The following SPTBN4 variants were observed in gnomAD, a reference collection of about 807,000 sequenced individuals.
The protein encoded by SPTBN4 is spectrin beta chain, non-erythrocytic 4.
In SPTBN4, 96 loss-of-function variants were observed where a neutral mutation model predicts 277.8. That is an observed-to-expected ratio of 0.35 (90% CI 0.29 to 0.41). SPTBN4 has a LOEUF of 0.41. Ranked by LOEUF, SPTBN4 falls within the 10% of genes least tolerant of loss-of-function variation. SPTBN4 has a pLI of 1.00. For synonymous variants in SPTBN4, 1,481 were observed against 1,580.3 expected (o/e 0.94, Z 1.49); for missense variants, 3,006 against 3,595.7 (o/e 0.84, Z 4.19).
chr19:40,479,341 T>C (rs1463862917), intron 2 of SPTBN4, among the ~76,000 whole-genome samples: 2 of 152,144 alleles, frequency 1.3e-5, no homozygotes, highest in African/African-American at 4.8e-5. Context: ...TTCAGTGTGT[T>C]CTCCTACTCA....
Position 40,567,780 on chromosome 19 carries a change from G to A in SPTBN4, c.6454G>A (p.Gly2152Ser), listed in dbSNP as rs1416310324. ...AKAAPLLRPG[G>S]YERGLEPLAR... is the part of the protein sequence containing the mutation. The stretch of plus-strand genomic sequence containing the variant: ...GGCGGCGCCCCTGCTGCGGCCAGGG[G>A]GCTATGAAAGGGGCTTGGAGCCCCT... The change falls in exon 31 of 36, where the codon GGC becomes AGC. Residue 2152 changes from glycine (G) to serine (S), a missense_variant. Coordinates refer to ENST00000598249, the MANE Select transcript of SPTBN4 (RefSeq NM_020971.3). 3.9e-6 allele frequency: 6 copies of A among 1,523,866 alleles called. No individual in the cohort carries two copies. In the Admixed American group the frequency reaches 1.3e-4, roughly 32 times the overall value. 94.4% of individuals were successfully genotyped at this position (1,523,866 alleles called of 1,614,324 possible). A position where few individuals can be genotyped will look rare whatever the true frequency, so the allele number is the denominator to read the frequency against.
chr19:40,567,683 A>G lies in SPTBN4; in HGVS notation c.6357A>G (p.Glu2119=). 6.5e-7 allele frequency: 1 copy of G among 1,544,348 alleles called. No homozygotes were observed. Among genetic ancestry groups the G allele is most frequent in the Non-Finnish European group, 8.7e-7 (1 of 1,147,402 alleles). ...CTCAGATCGAGAAAATCAAAGCGGAACAGAGCAAGCAGCCGCCTACCCCAC... is the reference window on the plus strand; with the variant it reads ...CTCAGATCGAGAAAATCAAAGCGGAGCAGAGCAAGCAGCCGCCTACCCCAC... ...RLTTIEKIKA[E]QSKQPPTPLL... The change falls in exon 31 of 36, where the codon GAA becomes GAG. Residue 2119 remains glutamate, a synonymous_variant. Transcript: ENST00000598249.
chr19:40,490,179 G>A lies in SPTBN4; in HGVS notation c.426G>A (p.Ser142=), dbSNP rs147052708. The A allele has an allele frequency of 1.9e-6, 3 of 1,614,098 alleles. No homozygotes were observed. The African/African-American group carries it at 4.0e-5, about 22-fold the overall frequency. The change falls in exon 4 of 36, where the codon TCG becomes TCA. Residue 142 remains serine (S), a synonymous_variant. Transcript: ENST00000598249. This position sits in a 1 kb window ranked among gnomAD's most constrained non-coding sequence, Gnocchi z 4.3. Reference sequence around the variant, plus strand: ...GCGTGCACCTGGAGAACGTGGGTTCGCATGACATCGTGGATGGGAATCACC... The same window carrying A: ...GCGTGCACCTGGAGAACGTGGGTTCACATGACATCGTGGATGGGAATCACC... ...EQRVHLENVG[S]HDIVDGNHRL... is the part of the protein sequence containing the mutation.
At chr19:40,479,938 C>CA (rs778676713) in intron 2 of SPTBN4, among the ~76,000 whole-genome samples, 10,091 of 135,314 alleles carry the variant, frequency 0.075, 380 homozygotes, top group African/African-American at 0.11. Flanking sequence ...CCCGTCTCTA[C>CA]AAAAAAAAAA....
At chr19:40,501,883 G>T (rs765799347) in intron 7 of SPTBN4, 38 bp from the exon 8 acceptor site, 1 of 1,560,362 alleles carries the variant, frequency 6.4e-7, no homozygotes, top group Non-Finnish European at 8.8e-7. Context: ...CTGTCAAAGT[G>T]CCCACTGTCT....
rs373679422 is a variant in SPTBN4, at chr19:40,490,152, G to C, written c.399G>C (p.Gln133His). The C allele has an allele frequency of 1.2e-6, 2 of 1,614,118 alleles. No individual in the cohort carries two copies. Among genetic ancestry groups the C allele is most frequent in the African/African-American group, 2.7e-5 (2 of 74,948 alleles). ...AGGCGCTGCAGTTTCTGAAGGAGCAGCGCGTGCACCTGGAGAACGTGGGTT... is the reference window on the plus strand; with the variant it reads ...AGGCGCTGCAGTTTCTGAAGGAGCACCGCGTGCACCTGGAGAACGTGGGTT... ...VDKALQFLKE[Q>H]RVHLENVGSH... The change falls in exon 4 of 36, where the codon CAG (glutamine) becomes CAC (histidine). Residue 133 changes from glutamine to histidine, a missense_variant. By Grantham distance (24) the Gln-to-His change is conservative. Transcript: ENST00000598249. The surrounding 1 kb of genome is among the most constrained non-coding windows in gnomAD (Gnocchi z 4.3).
At chr19:40,563,374 G>A (rs1280935280) in intron 27 of SPTBN4, among the ~76,000 whole-genome samples, 1 of 151,886 alleles carries the variant, frequency 6.6e-6, no homozygotes, top group Non-Finnish European at 1.5e-5. Context: ...CAGAAACTTG[G>A]AATTTGTTTT....
intron 20 of SPTBN4, among the ~76,000 whole-genome samples, chr19:40,538,303 C>T (rs1005923178): frequency 1.1e-4 from 16 of 150,410 alleles, no homozygotes; most frequent in Admixed American, 6.7e-4. Flanking sequence ...GCATGAGAAT[C>T]GCTTGAACTT....
Position 40,572,106 on chromosome 19 carries a change from C to T in SPTBN4, c.7407C>T (p.His2469=), listed in dbSNP as rs138684021. The T allele has an allele frequency of 1.1e-5, 18 of 1,612,922 alleles. No homozygotes were observed. In the African/African-American group the frequency reaches 1.2e-4, roughly 11 times the overall value. The change falls in exon 34 of 36, where the codon CAC becomes CAT. Residue 2469 remains histidine, a synonymous_variant. Transcript: ENST00000598249. The part of the protein sequence containing the change: ...DSKGPASGST[H]GGEPLLSLHK... ...AGGGCCCGGCATCCGGGAGCACACA[C>T]GGTGGGGAACCGCTGCTCAGCCTGC...
At chr19:40,486,565 T>C (rs1946254907) in intron 2 of SPTBN4, among the ~76,000 whole-genome samples, 2 of 151,748 alleles carry the variant, frequency 1.3e-5, no homozygotes, top group Non-Finnish European at 2.9e-5. Flanking sequence ...AGAGACAGAG[T>C]CTTCACCATG....
chr19:40,498,413 A>ATTATTTTT (rs1426553374), intron 7 of SPTBN4, among the ~76,000 whole-genome samples: 4 of 127,670 alleles, frequency 3.1e-5, no homozygotes, highest in African/African-American at 1.3e-4. Context: ...TTATTTATTT[A>ATTATTTTT]TTTATTTTTT....
At chr19:40,506,140 T>C (rs2080327262) in intron 12 of SPTBN4, 96 bp from the exon 13 acceptor site, 1 of 1,457,112 alleles carries the variant, frequency 6.9e-7, no homozygotes, top group East Asian at 2.3e-5. Context: ...TCGGGAGTGA[T>C]GGTGCAGAGT....
chr19:40,554,217 C>G lies in SPTBN4; in HGVS notation c.4745C>G (p.Ala1582Gly). The G allele has an allele frequency of 6.7e-7, 1 of 1,489,540 alleles. No individual in the cohort carries two copies. Among genetic ancestry groups the G allele is most frequent in the East Asian group, 2.6e-5 (1 of 38,220 alleles). 92.3% of individuals were successfully genotyped at this position (1,489,540 alleles called of 1,614,324 possible). A position where few individuals can be genotyped will look rare whatever the true frequency, so the allele number is the denominator to read the frequency against. ...EEVLERAGAL[A>G]SLRSPEAEAV... Reference sequence around the variant, plus strand: ...GTGCTGGAGCGCGCGGGCGCGCTGGCGTCGCTGCGCAGCCCGGAGGCAGAG... The same window carrying G: ...GTGCTGGAGCGCGCGGGCGCGCTGGGGTCGCTGCGCAGCCCGGAGGCAGAG... Residue 1582 changes from alanine to glycine, a missense_variant, in exon 23 of 36, where the codon GCG becomes GGG. Ala to Gly is a moderately conservative substitution (Grantham distance 60). Transcript: ENST00000598249. This position sits in a 1 kb window ranked among gnomAD's most constrained non-coding sequence, Gnocchi z 5.7.
At chr19:40,530,492 C>T in intron 18 of SPTBN4, 1 of 979,392 alleles carries the variant, frequency 1.0e-6, no homozygotes, top group Non-Finnish European at 1.2e-6. Flanking sequence ...GCCGCCGGAG[C>T]CTCAGCCTTC....
chr19:40,536,130 G>A (rs2080732748), intron 20 of SPTBN4, among the ~76,000 whole-genome samples: 1 of 152,108 alleles, frequency 6.6e-6, no homozygotes, highest in Non-Finnish European at 1.5e-5. Context: ...AGATCTGAAT[G>A]TGATGGCCAA....
Position 40,560,538 on chromosome 19 carries a change from C to A in SPTBN4, c.5915+135C>A. ...GTGTGGCGCCTCTGTGTGCTAGGCACTGTTCTAGGTGCTTCGTGTGTATTC... is the reference window on the plus strand; with the variant it reads ...GTGTGGCGCCTCTGTGTGCTAGGCAATGTTCTAGGTGCTTCGTGTGTATTC... On this transcript the variant is annotated intron_variant, in intron 27 of 35. Coordinates refer to ENST00000598249, the MANE Select transcript of SPTBN4 (RefSeq NM_020971.3). This position sits in a 1 kb window ranked among gnomAD's most constrained non-coding sequence, Gnocchi z 5.2. 1 of 1,562,204 alleles carries A rather than the reference C, an allele frequency of 6.4e-7. No homozygotes were observed. The highest frequency in any genetic ancestry group is 8.7e-7 in the Non-Finnish European group (1 of 1,154,414).
In SPTBN4 at chr19:40,575,786, C is replaced by T. The variant is rs1200674484; in HGVS notation, c.*217C>T. 2.2e-6 allele frequency: 1 copy of T among 452,550 alleles called. No homozygotes were observed. The highest frequency in any genetic ancestry group is 3.8e-5 in the East Asian group (1 of 26,662). 28.0% of individuals were successfully genotyped at this position (452,550 alleles called of 1,614,324 possible). On this transcript the variant is annotated 3_prime_UTR_variant, in exon 36 of 36. Coordinates refer to ENST00000598249, the MANE Select transcript of SPTBN4 (RefSeq NM_020971.3). ...CCATATCTCGGCCCCTTCCCACTCA[C>T]CACCCCCACCCCAGGTGCTGGGGGT... is the stretch of plus-strand genomic sequence containing the variant.
chr19:40,521,291 A>G (rs985322492), intron 16 of SPTBN4, among the ~76,000 whole-genome samples: 2 of 152,182 alleles, frequency 1.3e-5, no homozygotes, highest in Non-Finnish European at 2.9e-5. Flanking sequence ...AACCGGTGGG[A>G]AAAGGAGGAA....
At position 40,535,075 on chromosome 19, in the gene SPTBN4, A is replaced by G. The variant is rs576001033; in HGVS notation, c.4359+732A>G. Reference sequence around the variant, plus strand: ...ATGTTGTTGTTTGTTTTTTTCTTCAAGATAGTTACTCACTCTGTCGCCCAA... The same window carrying G: ...ATGTTGTTGTTTGTTTTTTTCTTCAGGATAGTTACTCACTCTGTCGCCCAA... On this transcript the variant is annotated intron_variant, in intron 20 of 35. Coordinates refer to ENST00000598249, the MANE Select transcript of SPTBN4 (RefSeq NM_020971.3). Among the ~76,000 whole-genome samples the G allele has an allele frequency of 7.0e-4, 106 of 152,156 alleles. 1 individual carries two copies. Among genetic ancestry groups the G allele is most frequent in the African/African-American group, 2.2e-3 (91 of 41,500 alleles).
Sources: gnomAD v4.1 joint callset for allele counts (sites outside exome capture counted in the v4.1 genomes callset) on GRCh38, gnomAD v4.1.1 for gene constraint, Gnocchi (gnomAD v3.1) non-coding constraint, MANE v1.5 for transcripts, NCBI Gene and HGNC (gene_info 2026-07-23, HGNC 2026-07-21) for gene names.